Variants in LYPD6 observed in about 807,000 individuals in gnomAD.
LYPD6 encodes the protein ly6/PLAUR domain-containing protein 6.
In LYPD6, 15 loss-of-function variants were observed where a neutral mutation model predicts 22.7. That is an observed-to-expected ratio of 0.66 (90% CI 0.44 to 1.02). The LOEUF is 1.02. LYPD6 is among the 50% of genes least tolerant of loss of function. The pLI is 0.00. For missense variants in LYPD6, 189 were observed against 208.4 expected, an observed-to-expected ratio of 0.91 and a Z score of 0.57; for synonymous variants, 72 against 77.5, an observed-to-expected ratio of 0.93 and a Z score of 0.37.
At chr2:149,354,531 C>A (rs1681416779) in intron 1 of LYPD6, among the ~76,000 whole-genome samples, 1 of 152,024 alleles carries the variant, frequency 6.6e-6, no homozygotes, top group Non-Finnish European at 1.5e-5. Context: ...AAAGGCAAAC[C>A]ATTCAAAACA....
At chr2:149,370,821 A>C (rs1218443394) in intron 1 of LYPD6, among the ~76,000 whole-genome samples, 1 of 152,146 alleles carries the variant, frequency 6.6e-6, no homozygotes, top group Non-Finnish European at 1.5e-5. Context: ...TTAGCTGGGC[A>C]TGGTGGTGTG....
chr2:149,452,623 A>G (rs2105165828), intron 3 of LYPD6, among the ~76,000 whole-genome samples: 1 of 152,288 alleles, frequency 6.6e-6, no homozygotes, highest in African/African-American at 2.4e-5. Context: ...TTGAAAGTGA[A>G]AAAAATCACC....
At chr2:149,364,544 ATTTTTTT>A (rs558543639) in intron 1 of LYPD6, among the ~76,000 whole-genome samples, 1 of 135,332 alleles carries the variant, frequency 7.4e-6, no homozygotes, top group Non-Finnish European at 1.6e-5. Flanking sequence ...ACAGAGTACA[ATTTTTTT>A]TTTTTTTTTT....
rs553202457 is a variant in LYPD6 at position 149,387,443 on chromosome 2, G to C, written c.-71-50195G>C. On this transcript the variant is annotated intron_variant, in intron 1 of 4. Transcript: ENST00000334166. The stretch of plus-strand genomic sequence containing the variant: ...TCTTGCCCTTTTTTGAGGTAGCACT[G>C]ACTGGTATGTTAATTTCACTGGTTC... Among the ~76,000 whole-genome samples the C allele has an allele frequency of 3.6e-4, 55 of 152,292 alleles. No homozygotes were observed. The South Asian group carries it at 0.011, about 31-fold the overall frequency.
intron 3 of LYPD6, among the ~76,000 whole-genome samples, chr2:149,465,260 G>T (rs530550670): frequency 6.6e-6 from 1 of 152,266 alleles, no homozygotes; most frequent in South Asian, 2.1e-4. Flanking sequence ...GAGTCCCAGA[G>T]TCACAAAGAG....
intron 1 of LYPD6, among the ~76,000 whole-genome samples, chr2:149,375,605 G>A (rs1037332082): frequency 6.6e-6 from 1 of 152,134 alleles, no homozygotes; most frequent in African/African-American, 2.4e-5. Context: ...TTTTCTCTTT[G>A]TATATTCTTG....
At chr2:149,366,379 G>A (rs1411525583) in intron 1 of LYPD6, among the ~76,000 whole-genome samples, 1 of 152,162 alleles carries the variant, frequency 6.6e-6, no homozygotes, top group African/African-American at 2.4e-5. Context: ...TTCCATGCTG[G>A]GCTTGACTGG....
intron 1 of LYPD6, among the ~76,000 whole-genome samples, chr2:149,360,746 G>A (rs775115696): frequency 2.6e-5 from 4 of 151,812 alleles, no homozygotes; most frequent in Admixed American, 1.3e-4. Context: ...AGCCTTCAGT[G>A]GCCTTTCATT....
chr2:149,415,574 A>G (rs960773015), intron 1 of LYPD6, among the ~76,000 whole-genome samples: 1 of 152,098 alleles, frequency 6.6e-6, no homozygotes, highest in African/African-American at 2.4e-5. Context: ...TCAGACTGCA[A>G]TGCAGGTCTC....
chr2:149,470,939 C>T lies in LYPD6; in HGVS notation c.*89C>T. On this transcript the variant is annotated 3_prime_UTR_variant, in exon 5 of 5. Transcript: ENST00000334166. ...TGAGTCATTGGCCTGACAGTAATTACACATGTGAGACACAACACTCTTGGA... is the reference window on the plus strand; with the variant it reads ...TGAGTCATTGGCCTGACAGTAATTATACATGTGAGACACAACACTCTTGGA... The T allele has an allele frequency of 8.3e-7, 1 of 1,203,420 alleles. No homozygotes were observed. The highest frequency in any genetic ancestry group is 1.5e-5 in the South Asian group (1 of 68,218). The allele number at this position is 1,203,420 out of a possible 1,614,324, so 74.5% of individuals were successfully genotyped here.
chr2:149,397,790 T>A (rs1318883671), intron 1 of LYPD6, among the ~76,000 whole-genome samples: 3 of 152,246 alleles, frequency 2.0e-5, no homozygotes, highest in Non-Finnish European at 4.4e-5. Context: ...TAATGACTTT[T>A]CCTTTGTAGG....
intron 1 of LYPD6, among the ~76,000 whole-genome samples, chr2:149,431,809 A>G (rs745658111): frequency 6.6e-5 from 10 of 152,154 alleles, no homozygotes; most frequent in Non-Finnish European, 1.3e-4. Context: ...AAAGGACTCC[A>G]TCAAGAAAGT....
chr2:149,469,946 ACTAGGAATCAC>A, intron 4 of LYPD6, among the ~76,000 whole-genome samples: 1 of 152,290 alleles, frequency 6.6e-6, no homozygotes, highest in Non-Finnish European at 1.5e-5. Context: ...CCATCCTATG[ACTAGGAATCAC>A]CTGGGAATCT....
intron 1 of LYPD6, among the ~76,000 whole-genome samples, chr2:149,333,389 A>G (rs1680974839): frequency 1.3e-5 from 2 of 152,222 alleles, no homozygotes; most frequent in African/African-American, 4.8e-5. Context: ...TATTAATGAG[A>G]TTAATCTCAT....
At chr2:149,333,829 C>T (rs1479385939) in intron 1 of LYPD6, among the ~76,000 whole-genome samples, 1 of 152,122 alleles carries the variant, frequency 6.6e-6, no homozygotes, top group African/African-American at 2.4e-5. Context: ...CCAGATGTAA[C>T]ACAGATTGCA....
chr2:149,376,048 G>A (rs1056722561), intron 1 of LYPD6, among the ~76,000 whole-genome samples: 19 of 152,332 alleles, frequency 1.2e-4, no homozygotes, highest in Non-Finnish European at 2.5e-4. Context: ...ATGTGGCCTG[G>A]GATGAAGCTG....
chr2:149,463,058 A>G (rs1429678218), intron 3 of LYPD6, among the ~76,000 whole-genome samples: 1 of 152,120 alleles, frequency 6.6e-6, no homozygotes, highest in Non-Finnish European at 1.5e-5. Context: ...TCAAAATTTA[A>G]AACTTTTTTA....
intron 3 of LYPD6, among the ~76,000 whole-genome samples, chr2:149,453,436 C>G (rs1431957393): frequency 6.6e-6 from 1 of 152,166 alleles, no homozygotes; most frequent in African/African-American, 2.4e-5. Context: ...TTATGTTCCT[C>G]CTTAATTATG....
chr2:149,334,928 G>C (rs1681007347), intron 1 of LYPD6, among the ~76,000 whole-genome samples: 1 of 152,104 alleles, frequency 6.6e-6, no homozygotes. Flanking sequence ...TGACATCTTA[G>C]CTGTGGTGAT....
Sources: allele counts gnomAD v4.1 joint callset (sites outside exome capture counted in the v4.1 genomes callset), GRCh38; gene constraint gnomAD v4.1.1; transcripts MANE v1.5; gene names NCBI Gene and HGNC (gene_info 2026-07-23, HGNC 2026-07-21).